The following TBL1X variants were observed in gnomAD, a reference collection of about 807,000 sequenced individuals.
The protein encoded by TBL1X is transducin beta like 1 X-linked.
TBL1X carries 10 observed loss-of-function variants against 50.7 expected under a neutral mutation model. The observed-to-expected ratio is 0.20, with a 90% CI of 0.12 to 0.33. TBL1X has a LOEUF of 0.33. Among genes scored for constraint, TBL1X ranks in the 10% least tolerant of loss-of-function variants. The pLI is 1.00. For missense variants in TBL1X, 340 were observed against 504.4 expected (o/e 0.67, Z 3.12); for synonymous variants, 190 against 214.7 (o/e 0.88, Z 1.01).
At chrX:9,556,636 A>C (rs1170483189) in intron 2 of TBL1X, among the ~76,000 whole-genome samples, 1 of 109,564 alleles carries the variant, frequency 9.1e-6, no homozygotes, top group East Asian at 2.9e-4. Context: ...ACAGAACAAA[A>C]TCTTGTCTCT....
intron 2 of TBL1X, among the ~76,000 whole-genome samples, chrX:9,518,471 C>T (rs1010184921): frequency 8.9e-6 from 1 of 112,500 alleles, no homozygotes; most frequent in Non-Finnish European, 1.9e-5. Context: ...TCACTTACTT[C>T]ATGTGAAGTC....
intron 16 of TBL1X, among the ~76,000 whole-genome samples, chrX:9,712,319 TTTG>T (rs200241929): frequency 0.018 from 2,047 of 111,993 alleles, 56 homozygotes; most frequent in African/African-American, 0.063. Context: ...TCTGTTTTGT[TTTG>T]TTGTTGTTGT....
chrX:9,692,436 C>G (rs776797913), intron 9 of TBL1X, among the ~76,000 whole-genome samples, 182 bp downstream of exon 9: 2 of 111,932 alleles, frequency 1.8e-5, no homozygotes, highest in African/African-American at 3.2e-5. Context: ...GAGACGGAGT[C>G]TTGCTCTGTT....
intron 1 of TBL1X, among the ~76,000 whole-genome samples, chrX:9,481,550 A>G (rs1475671105): frequency 8.9e-6 from 1 of 112,067 alleles, no homozygotes; most frequent in Non-Finnish European, 1.9e-5. Flanking sequence ...GACACTGGTT[A>G]TTTTACCAAA....
At chrX:9,604,914 G>GA (rs1238179919) in intron 2 of TBL1X, among the ~76,000 whole-genome samples, 5 of 111,189 alleles carry the variant, frequency 4.5e-5, no homozygotes, top group African/African-American at 1.3e-4. Flanking sequence ...TTCTCGGGAA[G>GA]AAATGATCCT....
At chrX:9,623,626 G>T (rs1038824076) in intron 2 of TBL1X, among the ~76,000 whole-genome samples, 2 of 112,186 alleles carry the variant, frequency 1.8e-5, no homozygotes, top group Non-Finnish European at 3.8e-5. Flanking sequence ...GATGGAGGCT[G>T]CAGTGAGCCG....
intron 7 of TBL1X, among the ~76,000 whole-genome samples, chrX:9,688,694 G>T (rs2083077272): frequency 8.9e-6 from 1 of 112,856 alleles, no homozygotes; most frequent in African/African-American, 3.2e-5. Context: ...CTGGGCATAG[G>T]CTTATTTGGT....
intron 2 of TBL1X, among the ~76,000 whole-genome samples, chrX:9,574,173 G>T (rs900436098): frequency 9.0e-6 from 1 of 110,623 alleles, no homozygotes; most frequent in East Asian, 2.9e-4. Context: ...CACAAAATTT[G>T]CTTGCTGTGG....
At chrX:9,536,920 C>T (rs2521415) in intron 2 of TBL1X, among the ~76,000 whole-genome samples, 4,632 of 111,847 alleles carry the variant, frequency 0.041, 90 homozygotes, top group Non-Finnish European at 0.063. Context: ...AGGTGCAAAG[C>T]GTTTACAAAA....
At chrX:9,566,558 A>G (rs1167427927) in intron 2 of TBL1X, among the ~76,000 whole-genome samples, 2 of 111,937 alleles carry the variant, frequency 1.8e-5, no homozygotes, top group Non-Finnish European at 3.8e-5. Context: ...CTCACTAAAA[A>G]CAGAAAAGGG....
At chrX:9,681,825 C>T (rs777227214) in intron 5 of TBL1X, among the ~76,000 whole-genome samples, 2 of 112,832 alleles carry the variant, frequency 1.8e-5, no homozygotes, top group East Asian at 5.6e-4. Flanking sequence ...AACTGAGCAA[C>T]AGGAGGCTGT....
intron 15 of TBL1X, 75 bp downstream of exon 15, chrX:9,709,835 A>G (rs1047502658): frequency 6.1e-6 from 7 of 1,152,061 alleles, no homozygotes; most frequent in Non-Finnish European, 7.0e-6. Context: ...AAGCGCGTCC[A>G]TGCACGTGTG....
At chrX:9,586,332 C>G (rs1465642412) in intron 2 of TBL1X, among the ~76,000 whole-genome samples, 1 of 112,477 alleles carries the variant, frequency 8.9e-6, no homozygotes, top group Non-Finnish European at 1.9e-5. Context: ...GAAATCCTAT[C>G]ACATGCCGCA....
intron 2 of TBL1X, among the ~76,000 whole-genome samples, chrX:9,624,315 C>G (rs1035854963): frequency 8.9e-6 from 1 of 111,805 alleles, no homozygotes; most frequent in Non-Finnish European, 1.9e-5. Flanking sequence ...ACATAGCATC[C>G]GTTTCCTCCG....
At chrX:9,606,614 G>A (rs1203732316) in intron 2 of TBL1X, among the ~76,000 whole-genome samples, 3 of 111,613 alleles carry the variant, frequency 2.7e-5, no homozygotes, top group Non-Finnish European at 5.6e-5. Context: ...AGGAGGTAGA[G>A]GCTGCAGTGA....
chrX:9,528,902 TG>T, intron 2 of TBL1X, among the ~76,000 whole-genome samples: 1 of 109,127 alleles, frequency 9.2e-6, no homozygotes. Flanking sequence ...CAGCTGGAGA[TG>T]GGGGGAAGCC....
At chrX:9,632,744 G>A (rs1421110710) in intron 2 of TBL1X, among the ~76,000 whole-genome samples, 3 of 111,872 alleles carry the variant, frequency 2.7e-5, no homozygotes, top group Admixed American at 9.5e-5. Context: ...GTTGGGTTAC[G>A]AGAAAGCAAT....
Position 9,674,705 on chromosome X carries a change from A to G in TBL1X, c.212-9338A>G, listed in dbSNP as rs1445152287. Among the ~76,000 whole-genome samples, 4 of 15,447 alleles carry G rather than the reference A, an allele frequency of 2.6e-4. No individual in the cohort carries two copies. The East Asian group carries it at 4.6e-3, about 18-fold the overall frequency. The allele number at this position is 15,447 out of a possible 115,157, so 13.4% of individuals were successfully genotyped here. On this transcript the variant is annotated intron_variant, in intron 5 of 17. Coordinates refer to ENST00000645353, the MANE Select transcript of TBL1X (RefSeq NM_005647.4). ...GCCCCCCCCCCCCCCCCCCCCCCCC[A>G]GTAGCTGTGAGTGCAGGCACGGGCC...
chrX:9,708,777 A>G (rs2083226420), intron 13 of TBL1X, among the ~76,000 whole-genome samples: 1 of 108,718 alleles, frequency 9.2e-6, no homozygotes, highest in Admixed American at 9.8e-5. Flanking sequence ...GTGAGGCAAG[A>G]GGATTGCTTG....
Sources: gnomAD v4.1 joint callset for allele counts (sites outside exome capture counted in the v4.1 genomes callset) on GRCh38, gnomAD v4.1.1 for gene constraint, MANE v1.5 for transcripts, NCBI Gene and HGNC (gene_info 2026-07-23, HGNC 2026-07-21) for gene names.